RPAP1: variants seen among roughly 807,000 people sequenced by gnomAD.
RPAP1 encodes RNA polymerase II associated protein 1.
Under a neutral mutation model 142.4 loss-of-function variants are expected in RPAP1, and 109 were observed. That is an observed-to-expected ratio of 0.77 (90% CI 0.66 to 0.90). The LOEUF is 0.90. RPAP1 is among the 40% of genes least tolerant of loss of function. The pLI is 0.00. For missense variants in RPAP1, 1,546 were observed against 1,751.7 expected (o/e 0.88, Z 2.10); for synonymous variants, 704 against 738.9 (o/e 0.95, Z 0.77).
In RPAP1 at chr15:41,537,189, C is replaced by G; in HGVS notation, c.-64G>C. On this transcript the variant is annotated 5_prime_UTR_variant, in exon 2 of 25. Coordinates refer to ENST00000304330, the MANE Select transcript of RPAP1 (RefSeq NM_015540.4). ...AGCAGTGTCTCCGTGTGGGGGTTCC[C>G]TCTTATTCATCCCTAAGAGCAAGAA... 6.6e-7 allele frequency: 1 copy of G among 1,506,786 alleles called. No homozygotes were observed. The highest frequency in any genetic ancestry group is 9.0e-7 in the Non-Finnish European group (1 of 1,108,680). 93.3% of individuals were successfully genotyped at this position (1,506,786 alleles called of 1,614,324 possible).
At chr15:41,526,839 G>C in intron 14 of RPAP1, 59 bp downstream of exon 14, 2 of 1,506,902 alleles carry the variant, frequency 1.3e-6, no homozygotes, top group Non-Finnish European at 1.8e-6. Context: ...GCCATGTTTA[G>C]CTCCCAACCC....
chr15:41,542,403 C>T (rs1595491342), intron 1 of RPAP1, among the ~76,000 whole-genome samples: 2 of 152,064 alleles, frequency 1.3e-5, no homozygotes, highest in Admixed American at 6.6e-5. Context: ...TGGGAAAAAT[C>T]CCTAAAGGTT....
Position 41,518,055 on chromosome 15 carries a change from G to A in RPAP1, c.3923C>T (p.Ala1308Val). The A allele has an allele frequency of 6.2e-7, 1 of 1,613,980 alleles. No individual in the cohort carries two copies. Among genetic ancestry groups the A allele is most frequent in the African/African-American group, 1.3e-5 (1 of 75,042 alleles). ...PRWCPVLYAVAVAHVNSFIFS... is the reference protein window; with the variant it reads ...PRWCPVLYAVVVAHVNSFIFS... ...GATGAAGCTATTGACATGAGCCACA[G>A]CCACAGCATAGAGCACGGGGCACCA... The change falls in exon 23 of 25, where the codon GCT (alanine) becomes GTT (valine). Residue 1308 changes from alanine to valine, a missense_variant. By Grantham distance (64) the Ala-to-Val change is moderately conservative (BLOSUM62 0). Coordinates refer to ENST00000304330, the MANE Select transcript of RPAP1 (RefSeq NM_015540.4).
intron 21 of RPAP1, 69 bp downstream of exon 21, chr15:41,521,669 G>T: frequency 6.4e-7 from 1 of 1,556,498 alleles, no homozygotes; most frequent in Non-Finnish European, 8.7e-7. Context: ...TCCAAATTCA[G>T]GGCTGCTCTG....
chr15:41,521,648 G>C (rs2051727035), intron 21 of RPAP1, 90 bp downstream of exon 21: 1 of 1,435,414 alleles, frequency 7.0e-7, no homozygotes, highest in Non-Finnish European at 9.5e-7. Flanking sequence ...AGAGAATTTA[G>C]GTCTCCTGGC....
chr15:41,526,857 T>TC (rs1338057475), intron 14 of RPAP1, 41 bp downstream of exon 14: 1 of 1,561,464 alleles, frequency 6.4e-7, no homozygotes, highest in Admixed American at 1.8e-5. Context: ...CCCAACCCTG[T>TC]CCCATGCATT....
Position 41,522,092 on chromosome 15 carries a change from A to G in RPAP1, c.2895+6T>C. The G allele has an allele frequency of 6.2e-7, 1 of 1,612,400 alleles. No individual in the cohort carries two copies. The highest frequency in any genetic ancestry group is 8.5e-7 in the Non-Finnish European group (1 of 1,179,386). On this transcript the variant is annotated splice_donor_region_variant and intron_variant, in intron 20 of 24. Transcript: ENST00000304330. The stretch of plus-strand genomic sequence containing the variant: ...ACAGGAGAACCTGTCAGACAGGGGG[A>G]CCTACCGCTTTCTGGGCCAGAGCGA...
chr15:41,531,291 G>C (rs2051845019), intron 6 of RPAP1, 89 bp from the exon 7 acceptor site: 4 of 1,327,632 alleles, frequency 3.0e-6, no homozygotes, highest in East Asian at 2.3e-5. Context: ...TCGCCTGTCT[G>C]TGGGTGCCAA....
rs1011122763 is a variant in RPAP1, at chr15:41,517,387, A to T, written c.*155T>A. ...ATGTAATGGTAGGGCTCACTGCTCT[A>T]AAACAGCTCAAACAACCTGCTCCCA... On this transcript the variant is annotated 3_prime_UTR_variant, in exon 25 of 25. Coordinates refer to ENST00000304330, the MANE Select transcript of RPAP1 (RefSeq NM_015540.4). 31 of 671,336 alleles carry T rather than the reference A, an allele frequency of 4.6e-5. No homozygotes were observed. The East Asian group carries it at 7.5e-4, about 16-fold the overall frequency. 41.6% of individuals were successfully genotyped at this position (671,336 alleles called of 1,614,324 possible).
chr15:41,520,474 G>A lies in RPAP1; in HGVS notation c.3712C>T (p.Arg1238Cys), dbSNP rs562784343. ...AGGCGCAAGGTGACACTGAACCGACGCTGCAGGGGCAGGAGGACCAGGGCC... is the reference window on the plus strand; with the variant it reads ...AGGCGCAAGGTGACACTGAACCGACACTGCAGGGGCAGGAGGACCAGGGCC... ...FGALVLLPLQ[R>C]RFSVTLRLAL... The change falls in exon 22 of 25, where the codon CGT (arginine) becomes TGT (cysteine). Residue 1238 changes from arginine (R) to cysteine (C), a missense_variant. Arg to Cys is a radical substitution (Grantham distance 180). Around this residue, in one of 3 missense-constraint regions of RPAP1, gnomAD observed 210 missense variants for 248.0 expected, o/e 0.85. Coordinates refer to ENST00000304330, the MANE Select transcript of RPAP1 (RefSeq NM_015540.4). The A allele has an allele frequency of 9.3e-6, 15 of 1,614,096 alleles. No homozygotes were observed. In the Admixed American group the frequency reaches 1.5e-4, roughly 16 times the overall value.
At position 41,537,211 on chromosome 15, in the gene RPAP1, A is replaced by C. The variant is rs1057450815; in HGVS notation, c.-76-10T>G. 2.2e-6 allele frequency: 3 copies of C among 1,351,508 alleles called. No homozygotes were observed. The South Asian group carries it at 3.9e-5, about 17-fold the overall frequency. 83.7% of individuals were successfully genotyped at this position (1,351,508 alleles called of 1,614,324 possible). ...TCCCTCTTATTCATCCCTAAGAGCA[A>C]GAAAGAATATGGGCCCTCTGCAACT... On this transcript the variant is annotated splice_polypyrimidine_tract_variant and intron_variant, in intron 1 of 24. Transcript: ENST00000304330.
intron 14 of RPAP1, among the ~76,000 whole-genome samples, chr15:41,525,788 G>A (rs1263736605): frequency 6.6e-6 from 1 of 151,928 alleles, no homozygotes; most frequent in East Asian, 1.9e-4. Flanking sequence ...TGGAGTAGCC[G>A]GGATTACAGG....
At chr15:41,517,719 G>A (rs2051679620) in intron 24 of RPAP1, 28 bp from the exon 25 acceptor site, 1 of 1,613,346 alleles carries the variant, frequency 6.2e-7, no homozygotes, top group African/African-American at 1.3e-5. Flanking sequence ...AACTTATGAA[G>A]TGGGTAATGA....
Position 41,525,075 on chromosome 15 carries a change from G to A in RPAP1, c.1991C>T (p.Pro664Leu), listed in dbSNP as rs201189053. The A allele has an allele frequency of 6.2e-7, 1 of 1,614,006 alleles. No individual in the cohort carries two copies. Among genetic ancestry groups the A allele is most frequent in the African/African-American group, 1.3e-5 (1 of 75,026 alleles). Residue 664 changes from proline to leucine, a missense_variant, in exon 15 of 25, where the codon CCA (proline) becomes CTA (leucine). By Grantham distance (98) the Pro-to-Leu change is moderately conservative (BLOSUM62 -3). This residue lies in a region of RPAP1 where 1,333 missense variants were observed against 1,486.6 expected (regional missense o/e 0.90). Transcript: ENST00000304330. ...GGTGCTCAGCATCTCAGCTTCCTCTGGGGGCAAGGCCAGTTCTTGGGGAGC... is the reference window on the plus strand; with the variant it reads ...GGTGCTCAGCATCTCAGCTTCCTCTAGGGGCAAGGCCAGTTCTTGGGGAGC... The part of the protein sequence containing the change: ...AEAPQELALP[P>L]EEAEMLSTEA...
At chr15:41,523,578 C>G (rs2051755181) in intron 17 of RPAP1, among the ~76,000 whole-genome samples, 193 bp downstream of exon 17, 1 of 152,150 alleles carries the variant, frequency 6.6e-6, no homozygotes, top group Non-Finnish European at 1.5e-5. Flanking sequence ...CTCTCTGGTC[C>G]CCACCAACAT....
At chr15:41,536,408 G>T in intron 3 of RPAP1, 93 bp downstream of exon 3, 1 of 1,510,978 alleles carries the variant, frequency 6.6e-7, no homozygotes, top group Non-Finnish European at 9.1e-7. Flanking sequence ...CCTTTCTGAA[G>T]CACCCTCCAC....
At chr15:41,534,643 C>T in intron 6 of RPAP1, 71 bp downstream of exon 6, 1 of 784,028 alleles carries the variant, frequency 1.3e-6, no homozygotes, top group Non-Finnish European at 2.1e-6. Flanking sequence ...CCGGAACTCA[C>T]AGTAAGCCTA....
intron 1 of RPAP1, among the ~76,000 whole-genome samples, chr15:41,542,860 G>C (rs2051983298): frequency 6.6e-6 from 1 of 152,002 alleles, no homozygotes; most frequent in African/African-American, 2.4e-5. Flanking sequence ...CTAATTGTTG[G>C]GCAGTCTGAC....
chr15:41,535,576 C>T lies in RPAP1; in HGVS notation c.477G>A (p.Arg159=). 1 of 1,614,120 alleles carries T rather than the reference C, an allele frequency of 6.2e-7. No homozygotes were observed. Among genetic ancestry groups the T allele is most frequent in the Non-Finnish European group, 8.5e-7 (1 of 1,180,000 alleles). Residue 159 remains arginine, a synonymous_variant, in exon 5 of 25, where the codon AGG becomes AGA. Coordinates refer to ENST00000304330, the MANE Select transcript of RPAP1 (RefSeq NM_015540.4). ...RSIFAQEIAA[R]RIAEAKGPSV... The stretch of plus-strand genomic sequence containing the variant: ...ATGGGCCCTTGGCTTCAGCTATCCT[C>T]CTTGCCGCAATTTCCTGGGCAAAGA...
Sources: allele counts gnomAD v4.1 joint callset (sites outside exome capture counted in the v4.1 genomes callset), GRCh38; gene constraint gnomAD v4.1.1; regional missense constraint gnomAD v4.1.1; transcripts MANE v1.5; gene names NCBI Gene and HGNC (gene_info 2026-07-23, HGNC 2026-07-21).